CNTNAP2: variants seen among roughly 807,000 people sequenced by gnomAD.
CNTNAP2 encodes contactin associated protein 2, also known as contactin-associated protein-like 2.
A neutral mutation model predicts 155.2 loss-of-function variants in CNTNAP2; 98 were observed. That is an observed-to-expected ratio of 0.63 (90% CI 0.54 to 0.75). The LOEUF is 0.75. CNTNAP2 is among the 30% of genes least tolerant of loss of function. The probability of loss-of-function intolerance (pLI) is 0.00; values close to 1 mark genes in which losing one functional copy is unlikely to be tolerated. For missense variants in CNTNAP2, 1,727 were observed against 1,688.1 expected, an observed-to-expected ratio of 1.02 and a Z score of -0.40; for synonymous variants, 651 against 631.2, an observed-to-expected ratio of 1.03 and a Z score of -0.47.
chr7:147,391,360 C>CT (rs200103653), intron 9 of CNTNAP2, among the ~76,000 whole-genome samples: 2,510 of 152,120 alleles, frequency 0.017, 68 homozygotes, highest in African/African-American at 0.057. Context: ...GTAAGTCATC[C>CT]TTTTTTTATG....
At chr7:146,144,022 G>C (rs7805261) in intron 1 of CNTNAP2, among the ~76,000 whole-genome samples, 1 of 151,918 alleles carries the variant, frequency 6.6e-6, no homozygotes, top group Non-Finnish European at 1.5e-5. Context: ...TCGGCCTCCC[G>C]ATATGCTAGG....
At chr7:147,828,238 G>C (rs1292668254) in intron 13 of CNTNAP2, among the ~76,000 whole-genome samples, 1 of 152,146 alleles carries the variant, frequency 6.6e-6, no homozygotes, top group Non-Finnish European at 1.5e-5. Context: ...TGCAGAACCA[G>C]GGCATTGAAG....
At chr7:146,817,323 A>T (rs577897513) in intron 2 of CNTNAP2, among the ~76,000 whole-genome samples, 4 of 151,824 alleles carry the variant, frequency 2.6e-5, no homozygotes, top group Non-Finnish European at 5.9e-5. Flanking sequence ...AAAACAAAAA[A>T]TTAGCCAGGT....
At chr7:147,542,293 T>G (rs1799654161) in intron 11 of CNTNAP2, among the ~76,000 whole-genome samples, 1 of 131,534 alleles carries the variant, frequency 7.6e-6, no homozygotes, top group Non-Finnish European at 1.7e-5. Flanking sequence ...ATTTGGATTG[T>G]TCAGTGGTAA....
At chr7:147,396,010 T>C (rs570735924) in intron 10 of CNTNAP2, among the ~76,000 whole-genome samples, 4 of 148,668 alleles carry the variant, frequency 2.7e-5, no homozygotes, top group African/African-American at 9.8e-5. Context: ...ATATATAGCA[T>C]ATATATGCTA....
intron 13 of CNTNAP2, among the ~76,000 whole-genome samples, chr7:147,808,871 CT>C (rs1488981894): frequency 2.0e-5 from 3 of 152,112 alleles, no homozygotes; most frequent in Non-Finnish European, 4.4e-5. Flanking sequence ...CATGCTTTAC[CT>C]TTCTAATAAT....
At chr7:147,222,829 T>C (rs1239766436) in intron 8 of CNTNAP2, among the ~76,000 whole-genome samples, 5 of 149,982 alleles carry the variant, frequency 3.3e-5, no homozygotes, top group Admixed American at 3.3e-4. Flanking sequence ...TTTTTTTTTT[T>C]TTTTCTGCCT....
intron 3 of CNTNAP2, among the ~76,000 whole-genome samples, chr7:146,974,039 A>G (rs1398104280): frequency 6.6e-6 from 1 of 152,216 alleles, no homozygotes; most frequent in Non-Finnish European, 1.5e-5. Flanking sequence ...TGAGGGAGAT[A>G]GATTCTCACT....
intron 20 of CNTNAP2, among the ~76,000 whole-genome samples, chr7:148,259,356 A>C (rs1796515192): frequency 7.0e-6 from 1 of 142,144 alleles, no homozygotes; most frequent in South Asian, 2.2e-4. Flanking sequence ...ACCCTGCCTC[A>C]AAAAAAAAAA....
At chr7:147,437,244 A>G (rs1797565106) in intron 10 of CNTNAP2, among the ~76,000 whole-genome samples, 1 of 152,132 alleles carries the variant, frequency 6.6e-6, no homozygotes, top group Admixed American at 6.5e-5. Flanking sequence ...AGACAGTGTG[A>G]AATTGGAAAG....
chr7:146,393,083 C>T (rs560497052), intron 1 of CNTNAP2, among the ~76,000 whole-genome samples: 9 of 152,148 alleles, frequency 5.9e-5, no homozygotes, highest in Admixed American at 2.0e-4. Context: ...GTGCTTTTTG[C>T]GCTTCTATTA....
chr7:146,706,790 G>A (rs759556659), intron 1 of CNTNAP2, among the ~76,000 whole-genome samples: 1 of 151,848 alleles, frequency 6.6e-6, no homozygotes, highest in Non-Finnish European at 1.5e-5. Context: ...GGAGCAGGGA[G>A]AGGATCAGGA....
At chr7:147,061,355 C>G (rs1232170280) in intron 4 of CNTNAP2, among the ~76,000 whole-genome samples, 1 of 152,120 alleles carries the variant, frequency 6.6e-6, no homozygotes, top group African/African-American at 2.4e-5. Flanking sequence ...CTTTAAATAT[C>G]ATTTTAAAAT....
At chr7:148,189,756 C>A (rs1233165321) in intron 18 of CNTNAP2, 1 of 152,346 alleles carries the variant, frequency 6.6e-6, no homozygotes, top group Non-Finnish European at 1.5e-5. Flanking sequence ...ACTGCCATAG[C>A]AGTCTCTGTT....
chr7:147,762,806 G>C (rs556637140), intron 13 of CNTNAP2, among the ~76,000 whole-genome samples: 46 of 151,654 alleles, frequency 3.0e-4, no homozygotes, highest in African/African-American at 1.1e-3. Context: ...GGAAGGGAAG[G>C]AAGGGAAGGA....
chr7:148,099,194 A>G (rs936974492), intron 15 of CNTNAP2, among the ~76,000 whole-genome samples: 3 of 152,246 alleles, frequency 2.0e-5, no homozygotes, highest in Non-Finnish European at 4.4e-5. Context: ...AAAAGTGGAC[A>G]TAATAACAGC....
At position 147,361,871 on chromosome 7, in the gene CNTNAP2, G is replaced by C. The variant is rs190569326; in HGVS notation, c.1499-33738G>C. Among the ~76,000 whole-genome samples the C allele has an allele frequency of 6.2e-4, 94 of 152,198 alleles. 1 individual carries two copies. In the East Asian group the frequency reaches 0.015, roughly 24 times the overall value. On this transcript the variant is annotated intron_variant, in intron 9 of 23. Coordinates refer to ENST00000361727, the MANE Select transcript of CNTNAP2 (RefSeq NM_014141.6). ...AGGAATTTAGACCCAGAATATTGAG[G>C]ATGGCTCTTCTCTACTGCATGATAT... is the stretch of plus-strand genomic sequence containing the variant.
intron 9 of CNTNAP2, among the ~76,000 whole-genome samples, chr7:147,380,413 G>A (rs1796516193): frequency 6.6e-6 from 1 of 151,938 alleles, no homozygotes; most frequent in Admixed American, 6.6e-5. Flanking sequence ...TTTATACCAA[G>A]TGCAGAAAAT....
At chr7:146,419,746 A>T (rs1437528111) in intron 1 of CNTNAP2, among the ~76,000 whole-genome samples, 3 of 152,140 alleles carry the variant, frequency 2.0e-5, no homozygotes, top group Non-Finnish European at 4.4e-5. Context: ...TACGGCTTCT[A>T]TCCAAAAGAC....
Sources: allele counts gnomAD v4.1 joint callset (sites outside exome capture counted in the v4.1 genomes callset), GRCh38; gene constraint gnomAD v4.1.1; transcripts MANE v1.5; gene names NCBI Gene and HGNC (gene_info 2026-07-23, HGNC 2026-07-21).